Variants in ATAD2B observed in about 807,000 individuals in gnomAD.
ATAD2B encodes the protein ATPase family AAA domain containing 2B.
In ATAD2B, 40 loss-of-function variants were observed where a neutral mutation model predicts 167.6. That is an observed-to-expected ratio of 0.24 (90% CI 0.19 to 0.31). The LOEUF is 0.31. ATAD2B is among the 10% of genes least tolerant of loss of function. ATAD2B has a pLI of 1.00. For synonymous variants in ATAD2B, 579 were observed against 596.5 expected (o/e 0.97, Z 0.43); for missense variants, 1,242 against 1,757.2 (o/e 0.71, Z 5.24).
intron 9 of ATAD2B, among the ~76,000 whole-genome samples, chr2:23,869,095 A>G (rs1695557082): frequency 6.6e-6 from 1 of 152,188 alleles, no homozygotes; most frequent in Non-Finnish European, 1.5e-5. Flanking sequence ...TGGTATTTCT[A>G]CAATAAATAA....
chr2:23,906,937 T>C lies in ATAD2B; in HGVS notation c.217-10967A>G, dbSNP rs1701591785. ...CAACAACCCTTCATGCTAAAAACTCTCAATAAATTAGGTATTGATGGGACG... is the reference window on the plus strand; with the variant it reads ...CAACAACCCTTCATGCTAAAAACTCCCAATAAATTAGGTATTGATGGGACG... On this transcript the variant is annotated intron_variant, in intron 1 of 27. Coordinates refer to ENST00000238789, the MANE Select transcript of ATAD2B (RefSeq NM_017552.4). 1.3e-5 allele frequency among the ~76,000 whole-genome samples: 2 copies of C among 151,008 alleles called. 1 individual carries two copies. The highest frequency in any genetic ancestry group is 4.2e-4 in the South Asian group (2 of 4,764).
chr2:23,877,226 C>T (rs1437320986), intron 7 of ATAD2B, among the ~76,000 whole-genome samples: 1 of 151,782 alleles, frequency 6.6e-6, no homozygotes. Context: ...TCCTAGGCAA[C>T]GCGGTAAGAA....
chr2:23,760,467 C>A (rs949197091), intron 24 of ATAD2B, among the ~76,000 whole-genome samples: 5 of 151,900 alleles, frequency 3.3e-5, no homozygotes, highest in African/African-American at 1.2e-4. Flanking sequence ...TCGAGACCTA[C>A]CTGACCAACA....
intron 1 of ATAD2B, among the ~76,000 whole-genome samples, chr2:23,917,302 C>T (rs190299965): frequency 2.0e-4 from 30 of 152,296 alleles, no homozygotes; most frequent in Admixed American, 1.8e-3. Context: ...AGCACCACTC[C>T]TTTCAGGATT....
chr2:23,680,235 T>C, the ATAD2B span, among the ~76,000 whole-genome samples: 83 of 152,054 alleles, frequency 5.5e-4, 1 homozygote, highest in South Asian at 0.012. The surrounding 1 kb of genome is among the most constrained non-coding windows in gnomAD (Gnocchi z 4.1). Flanking sequence ...GGTAAAAAGA[T>C]GGGACTTGGT....
chr2:23,777,615 T>G (rs964076241), intron 22 of ATAD2B, among the ~76,000 whole-genome samples: 2 of 152,128 alleles, frequency 1.3e-5, no homozygotes, highest in Non-Finnish European at 2.9e-5. Context: ...CCTATACAAT[T>G]TGAACAACAT....
At chr2:23,912,469 T>C (rs1702448116) in intron 1 of ATAD2B, among the ~76,000 whole-genome samples, 1 of 151,768 alleles carries the variant, frequency 6.6e-6, no homozygotes. Context: ...ATCATGCCAC[T>C]GTACTCCAGC....
chr2:23,858,048 A>G lies in ATAD2B; in HGVS notation c.1480-545T>C, dbSNP rs544552284. Among the ~76,000 whole-genome samples the G allele has an allele frequency of 6.1e-4, 93 of 151,668 alleles. No individual in the cohort carries two copies. In the Middle Eastern group the frequency reaches 0.01, roughly 17 times the overall value. The stretch of plus-strand genomic sequence containing the variant: ...GTGAGCCACCACACCCGGCCACCAA[A>G]GAGTATTTTTTAAACACGCATGATA... On this transcript the variant is annotated intron_variant, in intron 12 of 27. Transcript: ENST00000238789.
intron 4 of ATAD2B, among the ~76,000 whole-genome samples, 166 bp downstream of exon 4, chr2:23,887,666 C>T (rs148211780): frequency 4.1e-4 from 62 of 152,338 alleles, no homozygotes; most frequent in Middle Eastern, 3.4e-3. Context: ...AGTCTCAAAA[C>T]ATCTTCAATT....
In ATAD2B at chr2:23,865,324, T is replaced by A. The variant is rs1573116281; in HGVS notation, c.1189-400A>T. ...AGGGCGGATCACCTGAGCTCAGGAG[T>A]TCGAGACCAGCCTGCCCAACATGGT... On this transcript the variant is annotated intron_variant, in intron 10 of 27. Coordinates refer to ENST00000238789, the MANE Select transcript of ATAD2B (RefSeq NM_017552.4). 4.6e-5 allele frequency among the ~76,000 whole-genome samples: 7 copies of A among 151,940 alleles called. 1 individual carries two copies. The highest frequency in any genetic ancestry group is 1.4e-4 in the African/African-American group (6 of 41,470).
At chr2:23,822,603 CT>C (rs1360339993) in intron 16 of ATAD2B, among the ~76,000 whole-genome samples, 1 of 151,216 alleles carries the variant, frequency 6.6e-6, no homozygotes, top group Admixed American at 6.6e-5. Context: ...AATCAGAGTG[CT>C]TACCTGCAAG....
At chr2:23,889,591 A>G (rs891700922) in intron 2 of ATAD2B, among the ~76,000 whole-genome samples, 2 of 152,128 alleles carry the variant, frequency 1.3e-5, no homozygotes, top group Non-Finnish European at 2.9e-5. Context: ...CCCCTGGCCC[A>G]GCAAAGGTCA....
chr2:23,870,497 G>C (rs1166986003), intron 8 of ATAD2B, among the ~76,000 whole-genome samples: 1 of 151,666 alleles, frequency 6.6e-6, no homozygotes, highest in Non-Finnish European at 1.5e-5. Context: ...TGTTTCCCAA[G>C]GTGGTCTCAA....
chr2:23,905,966 T>C (rs192891755), intron 1 of ATAD2B, among the ~76,000 whole-genome samples: 2 of 152,030 alleles, frequency 1.3e-5, no homozygotes, highest in African/African-American at 2.4e-5. Flanking sequence ...GTAGTCTCAG[T>C]GTAAAGCAAT....
chr2:23,715,350 G>A, the ATAD2B span, among the ~76,000 whole-genome samples: 1 of 152,140 alleles, frequency 6.6e-6, no homozygotes, highest in Non-Finnish European at 1.5e-5. Flanking sequence ...CAGGTGGGTG[G>A]ATCACAAGGT....
the ATAD2B span, among the ~76,000 whole-genome samples, chr2:23,730,115 T>TA: frequency 1.1e-4 from 16 of 151,696 alleles, no homozygotes; most frequent in African/African-American, 2.4e-4. Context: ...CAGGTGCATG[T>TA]AAAAAAAATG....
intron 13 of ATAD2B, among the ~76,000 whole-genome samples, chr2:23,856,940 G>A (rs1693515663): frequency 6.6e-6 from 1 of 150,950 alleles, no homozygotes; most frequent in Non-Finnish European, 1.5e-5. Flanking sequence ...TGGACACAGT[G>A]GCTCACGCCT....
chr2:23,858,112 T>G (rs1437495407), intron 12 of ATAD2B, among the ~76,000 whole-genome samples: 1 of 150,446 alleles, frequency 6.6e-6, no homozygotes, highest in Non-Finnish European at 1.5e-5. Context: ...TTGTTTTAGG[T>G]TTTATTTATT....
chr2:23,876,292 C>T (rs1310023814), intron 7 of ATAD2B, among the ~76,000 whole-genome samples: 1 of 149,026 alleles, frequency 6.7e-6, no homozygotes, highest in African/African-American at 2.5e-5. Context: ...GGGCCCAGCC[C>T]TGTTAACTTT....
Sources: allele counts gnomAD v4.1 joint callset (sites outside exome capture counted in the v4.1 genomes callset), GRCh38; gene constraint gnomAD v4.1.1; non-coding constraint Gnocchi (gnomAD v3.1); transcripts MANE v1.5; gene names NCBI Gene and HGNC (gene_info 2026-07-23, HGNC 2026-07-21).